Variants in SSBP3 observed in about 807,000 individuals in gnomAD.
The protein encoded by SSBP3 is single-stranded DNA-binding protein 3.
In SSBP3, 5 loss-of-function variants were observed where a neutral mutation model predicts 69.6. The ratio of observed to expected loss-of-function variants is 0.07; its 90% CI spans 0.04 to 0.15. SSBP3 has a LOEUF of 0.15. Among genes scored for constraint, SSBP3 ranks in the 10% least tolerant of loss-of-function variants. The probability of loss-of-function intolerance (pLI) is 1.00; values close to 1 mark genes in which losing one functional copy is unlikely to be tolerated. For synonymous variants in SSBP3, 196 were observed against 193.4 expected, an observed-to-expected ratio of 1.01 and a Z score of -0.11; for missense variants, 312 against 534.0, an observed-to-expected ratio of 0.58 and a Z score of 4.10.
intron 4 of SSBP3, among the ~76,000 whole-genome samples, chr1:54,293,953 A>G (rs1645652429): frequency 1.3e-5 from 2 of 151,934 alleles, no homozygotes; most frequent in South Asian, 2.1e-4. Flanking sequence ...CCTGACCAAC[A>G]TGGTGAAACC....
At chr1:54,239,589 G>A (rs753481968) in intron 13 of SSBP3, among the ~76,000 whole-genome samples, 2 of 152,222 alleles carry the variant, frequency 1.3e-5, no homozygotes, top group Non-Finnish European at 2.9e-5. Context: ...ATCAGGGAAA[G>A]GGAAACGTGG....
chr1:54,232,615 T>C (rs894150424), intron 14 of SSBP3, among the ~76,000 whole-genome samples: 2 of 152,080 alleles, frequency 1.3e-5, no homozygotes, highest in African/African-American at 2.4e-5. Context: ...GGTCTCCCTC[T>C]CTTTCCACGG....
chr1:54,371,361 A>C (rs188395447), intron 4 of SSBP3, among the ~76,000 whole-genome samples: 1 of 152,350 alleles, frequency 6.6e-6, no homozygotes, highest in Admixed American at 6.5e-5. Flanking sequence ...TGTGGATGCC[A>C]TGTGTGCATG....
intron 5 of SSBP3, among the ~76,000 whole-genome samples, chr1:54,267,069 T>C (rs1214816815): frequency 2.0e-5 from 3 of 152,234 alleles, no homozygotes; most frequent in Non-Finnish European, 1.5e-5. Flanking sequence ...TCAAACCGTT[T>C]GGACCCTTTC....
intron 4 of SSBP3, among the ~76,000 whole-genome samples, chr1:54,363,710 A>T (rs1646985156): frequency 6.6e-6 from 1 of 152,220 alleles, no homozygotes; most frequent in African/African-American, 2.4e-5. Flanking sequence ...AAATTTTAAA[A>T]AGCAACCATT....
chr1:54,261,555 G>C (rs548580846), intron 5 of SSBP3, among the ~76,000 whole-genome samples: 154 of 152,304 alleles, frequency 1.0e-3, no homozygotes, highest in African/African-American at 3.6e-3. Context: ...GAGAGGAGGA[G>C]GGAGTCTCAA....
At chr1:54,323,459 A>T (rs1057397266) in intron 4 of SSBP3, among the ~76,000 whole-genome samples, 5 of 152,140 alleles carry the variant, frequency 3.3e-5, no homozygotes, top group African/African-American at 1.2e-4. Context: ...GTCCTGCTGG[A>T]AGGAGGCTCC....
intron 4 of SSBP3, among the ~76,000 whole-genome samples, chr1:54,363,451 A>C (rs1412213220): frequency 6.6e-6 from 1 of 152,222 alleles, no homozygotes; most frequent in Non-Finnish European, 1.5e-5. Flanking sequence ...CTATGCTACC[A>C]AATCAGCAAT....
At chr1:54,259,584 G>A (rs763212660) in intron 5 of SSBP3, among the ~76,000 whole-genome samples, 3 of 152,254 alleles carry the variant, frequency 2.0e-5, no homozygotes, top group African/African-American at 4.8e-5. Context: ...TGTGCACAGG[G>A]GGTGAGTGTG....
intron 5 of SSBP3, among the ~76,000 whole-genome samples, chr1:54,276,608 C>CA (rs746933473): frequency 0.013 from 449 of 34,890 alleles, 8 homozygotes; most frequent in Middle Eastern, 0.038. Flanking sequence ...GACTCTGTCT[C>CA]AAAAAAAAAA....
chr1:54,232,125 AT>A (rs1430686754), intron 14 of SSBP3, among the ~76,000 whole-genome samples: 7 of 152,240 alleles, frequency 4.6e-5, no homozygotes, highest in Admixed American at 4.6e-4. Context: ...GATTAATGCT[AT>A]TATGTAAACA....
chr1:54,268,291 C>G (rs1217245144), intron 5 of SSBP3, among the ~76,000 whole-genome samples: 1 of 152,286 alleles, frequency 6.6e-6, no homozygotes, highest in East Asian at 1.9e-4. Flanking sequence ...ACACATCCCA[C>G]TTCTGCCCGC....
intron 1 of SSBP3, 122 bp downstream of exon 1, chr1:54,405,831 G>A (rs1240003502): frequency 6.5e-6 from 4 of 615,596 alleles, no homozygotes; most frequent in Admixed American, 5.9e-5. Flanking sequence ...GGCGGCGCCT[G>A]GACCCGGGGA....
chr1:54,324,057 G>T (rs1646259448), intron 4 of SSBP3, among the ~76,000 whole-genome samples: 1 of 152,166 alleles, frequency 6.6e-6, no homozygotes, highest in Non-Finnish European at 1.5e-5. Context: ...CCATTTTATA[G>T]GTGCGGAATT....
chr1:54,394,296 C>A (rs1353363863), intron 4 of SSBP3, among the ~76,000 whole-genome samples: 1 of 152,210 alleles, frequency 6.6e-6, no homozygotes, highest in Non-Finnish European at 1.5e-5. Flanking sequence ...CCTCCAGTTC[C>A]ATCACCTGCA....
chr1:54,253,186 G>GTTT (rs1491370826), intron 7 of SSBP3, among the ~76,000 whole-genome samples: 19 of 115,172 alleles, frequency 1.6e-4, no homozygotes, highest in African/African-American at 5.9e-4. Context: ...TTTTTTTTTA[G>GTTT]TTTTTGTTTT....
At chr1:54,369,365 T>G (rs1569960433) in intron 4 of SSBP3, among the ~76,000 whole-genome samples, 3 of 149,920 alleles carry the variant, frequency 2.0e-5, no homozygotes, top group Admixed American at 6.6e-5. Context: ...GGAGCTAGGG[T>G]GACCATTGCT....
intron 4 of SSBP3, among the ~76,000 whole-genome samples, chr1:54,315,844 T>C (rs1186855778): frequency 2.0e-5 from 3 of 151,906 alleles, no homozygotes; most frequent in African/African-American, 7.3e-5. Flanking sequence ...TTTTCTTTGG[T>C]AGAGACAGGG....
At chr1:54,361,466 G>T (rs1438857753) in intron 4 of SSBP3, among the ~76,000 whole-genome samples, 1 of 152,102 alleles carries the variant, frequency 6.6e-6, no homozygotes, top group African/African-American at 2.4e-5. Flanking sequence ...CGAAGCTGCA[G>T]ATGAACCCCA....
Sources: gnomAD v4.1 joint callset for allele counts (sites outside exome capture counted in the v4.1 genomes callset) on GRCh38, gnomAD v4.1.1 for gene constraint, MANE v1.5 for transcripts, NCBI Gene and HGNC (gene_info 2026-07-23, HGNC 2026-07-21) for gene names.